VSIG1: variants seen among roughly 807,000 people sequenced by gnomAD.
VSIG1 encodes V-set and immunoglobulin domain-containing protein 1.
VSIG1 carries 11 observed loss-of-function variants against 20.1 expected under a neutral mutation model. The observed-to-expected ratio is 0.55, with a 90% confidence interval of 0.34 to 0.91. VSIG1 has a LOEUF of 0.91. VSIG1 is among the 40% of genes least tolerant of loss of function. VSIG1 has a pLI of 0.02. For missense variants in VSIG1, 283 were observed against 298.8 expected (o/e 0.95, Z 0.39); for synonymous variants, 126 against 116.7 (o/e 1.08, Z -0.52).
chrX:108,054,610 A>C (rs1406070487), intron 1 of VSIG1, among the ~76,000 whole-genome samples: 1 of 111,262 alleles, frequency 9.0e-6, no homozygotes, highest in Non-Finnish European at 1.9e-5. Flanking sequence ...AATTGAAATC[A>C]TACAGAGTAT....
chrX:108,042,240 G>A (rs766976209), upstream of VSIG1, among the ~76,000 whole-genome samples: 1 of 111,831 alleles, frequency 8.9e-6, no homozygotes, highest in Admixed American at 9.5e-5. Context: ...ATATTCCAGA[G>A]TGTTTTGTGT....
rs1483933851 is a variant in VSIG1 at position 108,076,186 on chromosome X, A to C, written c.798A>C (p.Lys266Asn). 3 of 1,209,521 alleles carry C rather than the reference A, an allele frequency of 2.5e-6. No homozygotes were observed. The highest frequency in any genetic ancestry group is 3.4e-6 in the Non-Finnish European group (3 of 894,776). Residue 266 changes from lysine to asparagine, a missense_variant, in exon 6 of 7, where the codon AAA becomes AAC. Coordinates refer to ENST00000217957, the MANE Select transcript of VSIG1 (RefSeq NM_182607.5). ...GGAATAAGGCAAAAGCAAAGGCAAA[A>C]GAAAGAAATTCTAAGACCATCGCGG... ...FARNKAKAKA[K>N]ERNSKTIAEL...
At chrX:108,036,592 C>G in the VSIG1 span, among the ~76,000 whole-genome samples, 1 of 112,147 alleles carries the variant, frequency 8.9e-6, no homozygotes. Flanking sequence ...CTGACTCATA[C>G]TTATTGTTAA....
chrX:108,036,268 T>A, the VSIG1 span, among the ~76,000 whole-genome samples: 1 of 108,493 alleles, frequency 9.2e-6, no homozygotes, highest in Non-Finnish European at 1.9e-5. Flanking sequence ...AGAAATAGAA[T>A]GTGACTTTTT....
In VSIG1 at chrX:108,067,071, G is replaced by A. The variant is rs755042895; in HGVS notation, c.349G>A (p.Asp117Asn). The A allele has an allele frequency of 8.3e-6, 10 of 1,209,407 alleles. No homozygotes were observed. Among genetic ancestry groups the A allele is most frequent in the African/African-American group, 1.8e-5 (1 of 56,991 alleles). The change falls in exon 3 of 7, where the codon GAT (aspartate) becomes AAT (asparagine). Residue 117 changes from aspartate to asparagine, a missense_variant. By Grantham distance (23) the Asp-to-Asn change is conservative. Coordinates refer to ENST00000217957, the MANE Select transcript of VSIG1 (RefSeq NM_182607.5). ...QPADSGIYIC[D>N]VNNPPDFLGQ... is the part of the protein sequence containing the mutation. The stretch of plus-strand genomic sequence containing the variant: ...AGCAGACAGTGGAATTTACATCTGC[G>A]ATGTTAACAACCCCCCAGACTTTCT...
At chrX:108,051,161 C>T (rs1474025570) in intron 1 of VSIG1, among the ~76,000 whole-genome samples, 1 of 111,090 alleles carries the variant, frequency 9.0e-6, no homozygotes, top group Middle Eastern at 4.6e-3. Context: ...CCACTTTCAC[C>T]TAGAGATATC....
intron 5 of VSIG1, among the ~76,000 whole-genome samples, chrX:108,074,155 A>G (rs1186009219): frequency 8.9e-6 from 1 of 112,031 alleles, no homozygotes; most frequent in African/African-American, 3.2e-5. Flanking sequence ...CTTACTTTGA[A>G]TTTGTGATTT....
At chrX:108,042,918 T>C (rs1029361659), upstream of VSIG1, among the ~76,000 whole-genome samples, 1 of 111,742 alleles carries the variant, frequency 8.9e-6, no homozygotes, top group Non-Finnish European at 1.9e-5. Flanking sequence ...CGTTTTTTTT[T>C]CCCTTCCTAA....
intron 2 of VSIG1, among the ~76,000 whole-genome samples, chrX:108,058,587 A>G (rs1322571097): frequency 9.0e-6 from 1 of 111,537 alleles, no homozygotes; most frequent in Admixed American, 9.6e-5. Context: ...TGATCTGCAG[A>G]TCTCTGCCAA....
At chrX:108,050,553 A>G (rs1179117421) in intron 1 of VSIG1, among the ~76,000 whole-genome samples, 1 of 112,595 alleles carries the variant, frequency 8.9e-6, no homozygotes, top group African/African-American at 3.2e-5. Context: ...AGTGCTCCCC[A>G]AAGTGCCATC....
intron 1 of VSIG1, among the ~76,000 whole-genome samples, chrX:108,053,130 A>G (rs997812152): frequency 8.9e-6 from 1 of 112,401 alleles, no homozygotes; most frequent in African/African-American, 3.2e-5. Flanking sequence ...GCTAGCAGAC[A>G]TACTGTTAAA....
chrX:108,037,605 T>C, the VSIG1 span, among the ~76,000 whole-genome samples: 2 of 112,548 alleles, frequency 1.8e-5, no homozygotes, highest in African/African-American at 6.5e-5. Context: ...CAAAGGGTAA[T>C]GATTTGCCAC....
chrX:108,048,007 T>C (rs1413586912), intron 1 of VSIG1, among the ~76,000 whole-genome samples: 17 of 72,653 alleles, frequency 2.3e-4, no homozygotes, highest in South Asian at 1.7e-3. Context: ...TATATACACA[T>C]ATATATATTC....
chrX:108,059,720 G>A (rs2030982398), intron 2 of VSIG1, among the ~76,000 whole-genome samples: 1 of 112,132 alleles, frequency 8.9e-6, no homozygotes, highest in African/African-American at 3.2e-5. Context: ...CTGTTAGATT[G>A]TAGATGGCAA....
At position 108,067,159 on chromosome X, in the gene VSIG1, T is replaced by G. The variant is rs699668; in HGVS notation, c.412+25T>G. 3 of 1,203,171 alleles carry G rather than the reference T, an allele frequency of 2.5e-6. No individual in the cohort carries two copies. The African/African-American group carries it at 5.3e-5, about 21-fold the overall frequency. The stretch of plus-strand genomic sequence containing the variant: ...GGTATGAGCACTTTTTTCTGCTTTT[T>G]CTTTTCTTGGAAAAAGTTAGGACAC... On this transcript the variant is annotated intron_variant, in intron 3 of 6. Coordinates refer to ENST00000217957, the MANE Select transcript of VSIG1 (RefSeq NM_182607.5).
chrX:108,035,336 G>C, the VSIG1 span, among the ~76,000 whole-genome samples: 2 of 110,813 alleles, frequency 1.8e-5, no homozygotes, highest in Non-Finnish European at 3.8e-5. Context: ...CTGATCTCAA[G>C]TGATCTGCCT....
chrX:108,040,596 T>C, upstream of VSIG1, among the ~76,000 whole-genome samples: 1 of 111,474 alleles, frequency 9.0e-6, no homozygotes. Flanking sequence ...TGGGCAGATC[T>C]TGACAAAAGG....
intron 2 of VSIG1, among the ~76,000 whole-genome samples, chrX:108,064,104 A>G (rs1279673071): frequency 8.9e-6 from 1 of 112,353 alleles, no homozygotes; most frequent in African/African-American, 3.2e-5. Context: ...ATATGATTAG[A>G]TAAGCAGTTT....
chrX:108,023,514 G>C, the VSIG1 span, among the ~76,000 whole-genome samples: 1 of 112,058 alleles, frequency 8.9e-6, no homozygotes, highest in East Asian at 2.8e-4. Flanking sequence ...GTTTGAGAAT[G>C]ATTGGTTTAA....
Sources: gnomAD v4.1 joint callset for allele counts (sites outside exome capture counted in the v4.1 genomes callset) on GRCh38, gnomAD v4.1.1 for gene constraint, MANE v1.5 for transcripts, NCBI Gene and HGNC (gene_info 2026-07-23, HGNC 2026-07-21) for gene names.